Variants in FGF12 observed in about 807,000 individuals in gnomAD.
FGF12 encodes fibroblast growth factor 12.
FGF12 carries 14 observed loss-of-function variants against 23.6 expected under a neutral mutation model. That is an observed-to-expected ratio of 0.59 (90% CI 0.39 to 0.93). The LOEUF (loss-of-function observed/expected upper bound fraction) is 0.93, where lower values mean the gene tolerates loss of function less well. Ranked by LOEUF, FGF12 falls within the 40% of genes least tolerant of loss-of-function variation. The probability of loss-of-function intolerance (pLI) is 0.00; values close to 1 mark genes in which losing one functional copy is unlikely to be tolerated. For missense variants in FGF12, 175 were observed against 217.8 expected (o/e 0.80, Z 1.24); for synonymous variants, 62 against 77.3 (o/e 0.80, Z 1.04).
chr3:192,391,162 T>C (rs983064810), intron 2 of FGF12, among the ~76,000 whole-genome samples: 2 of 152,106 alleles, frequency 1.3e-5, no homozygotes, highest in Non-Finnish European at 2.9e-5. Context: ...ATTAGCAAAA[T>C]GTATATCTCT....
At chr3:192,303,214 A>G in intron 4 of FGF12, among the ~76,000 whole-genome samples, 1 of 152,196 alleles carries the variant, frequency 6.6e-6, no homozygotes, top group South Asian at 2.1e-4. Context: ...CCATTACACA[A>G]ATTTAAGTAT....
At chr3:192,438,148 C>G (rs1332147906) in intron 2 of FGF12, among the ~76,000 whole-genome samples, 1 of 152,170 alleles carries the variant, frequency 6.6e-6, no homozygotes, top group Admixed American at 6.5e-5. Context: ...CTCATTTTCA[C>G]CCGTTGATGA....
rs958373066 is a variant in FGF12 at position 192,263,154 on chromosome 3, G to A, written c.228+72207C>T. On this transcript the variant is annotated intron_variant, in intron 4 of 5. Transcript: ENST00000445105. ...ATAGTAAGTATATAGTAGGTGGTCAGAAAATATAGGATTGAATCAAGCAAT... is the reference window on the plus strand; with the variant it reads ...ATAGTAAGTATATAGTAGGTGGTCAAAAAATATAGGATTGAATCAAGCAAT... 3.9e-5 allele frequency among the ~76,000 whole-genome samples: 6 copies of A among 152,176 alleles called. No homozygotes were observed. The South Asian group carries it at 1.2e-3, about 32-fold the overall frequency.
chr3:192,151,170 T>A lies in FGF12; in HGVS notation c.428-7043A>T, dbSNP rs1714033662. Among the ~76,000 whole-genome samples the A allele has an allele frequency of 2.3e-4, 29 of 125,780 alleles. No homozygotes were observed. In the South Asian group the frequency reaches 8.0e-3, roughly 35 times the overall value. 82.5% of individuals were successfully genotyped at this position (125,780 alleles called of 152,430 possible). A position where few individuals can be genotyped will look rare whatever the true frequency, so the allele number is the denominator to read the frequency against. ...GTGATTTTTGTACATTGATTTTGTA[T>A]CCTGGGACTTTGCTGAAGTTGCTTA... is the stretch of plus-strand genomic sequence containing the variant. On this transcript the variant is annotated intron_variant, in intron 5 of 5. Transcript: ENST00000445105.
At chr3:192,473,821 T>A (rs74502698) in intron 2 of FGF12, among the ~76,000 whole-genome samples, 2,287 of 152,320 alleles carry the variant, frequency 0.015, 47 homozygotes, top group African/African-American at 0.05. Context: ...AAGCCTTTAG[T>A]GTAACTGTGT....
intron 4 of FGF12, among the ~76,000 whole-genome samples, chr3:192,215,841 C>T (rs1441955888): frequency 2.6e-5 from 4 of 152,178 alleles, no homozygotes; most frequent in African/African-American, 9.7e-5. Context: ...TCTAGTTTCC[C>T]TAAAAGTCTC....
rs765686134 is a variant in FGF12, at chr3:192,140,260, T to TA, written c.*3748dup. 1.3e-5 allele frequency: 2 copies of TA among 152,040 alleles called. No individual in the cohort carries two copies. Among genetic ancestry groups the TA allele is most frequent in the African/African-American group, 4.8e-5 (2 of 41,428 alleles). The allele number at this position is 152,040 out of a possible 1,614,324, so 9.4% of individuals were successfully genotyped here. On this transcript the variant is annotated 3_prime_UTR_variant, in exon 6 of 6. Transcript: ENST00000445105. Reference sequence around the variant, plus strand: ...CACTGTTTTAAATGTAATTTTGACTTAAAAAATGCTATTTACAATTTTATG... The same window carrying TA: ...CACTGTTTTAAATGTAATTTTGACTTAAAAAAATGCTATTTACAATTTTATG...
chr3:192,214,987 C>A (rs920956238), intron 4 of FGF12, among the ~76,000 whole-genome samples: 5 of 152,266 alleles, frequency 3.3e-5, no homozygotes, highest in Admixed American at 3.3e-4. Context: ...TTCAGCTCCC[C>A]CCAGATCTGC....
intron 2 of FGF12, among the ~76,000 whole-genome samples, chr3:192,396,489 A>G (rs1231431553): frequency 6.6e-6 from 1 of 152,254 alleles, no homozygotes; most frequent in South Asian, 2.1e-4. Context: ...AGTAAGGCAT[A>G]GGCTTATCGC....
At chr3:192,198,010 C>CT (rs923576145) in intron 4 of FGF12, among the ~76,000 whole-genome samples, 65 of 134,168 alleles carry the variant, frequency 4.8e-4, no homozygotes, top group Non-Finnish European at 5.5e-4. Flanking sequence ...ACAAAGCCAA[C>CT]TTTTTTTTTT....
At chr3:192,612,763 A>G (rs1471703985) in intron 2 of FGF12, among the ~76,000 whole-genome samples, 1 of 151,988 alleles carries the variant, frequency 6.6e-6, no homozygotes, top group African/African-American at 2.4e-5. Context: ...TCAAAACATA[A>G]AAAATAGGGA....
intron 2 of FGF12, among the ~76,000 whole-genome samples, chr3:192,386,339 G>A (rs1413738665): frequency 6.6e-6 from 1 of 152,156 alleles, no homozygotes; most frequent in Non-Finnish European, 1.5e-5. Flanking sequence ...GCTAGCTGCA[G>A]CTTATCTTGG....
In FGF12 at chr3:192,553,296, T is replaced by A. The variant is rs190276930; in HGVS notation, c.13+173885A>T. ...AAAAGAAATTATATTGTAGGGTTTA[T>A]AACATATGTAGAAGAAAAATATATA... On this transcript the variant is annotated intron_variant, in intron 2 of 5. Coordinates refer to ENST00000445105, the MANE Select transcript of FGF12 (RefSeq NM_004113.6). Among the ~76,000 whole-genome samples the A allele has an allele frequency of 9.9e-5, 15 of 152,202 alleles. No homozygotes were observed. In the East Asian group the frequency reaches 2.9e-3, roughly 29 times the overall value.
In FGF12 at chr3:192,344,803, A is replaced by C. The variant is rs1012860352; in HGVS notation, c.125-9339T>G. On this transcript the variant is annotated intron_variant, in intron 3 of 5. Coordinates refer to ENST00000445105, the MANE Select transcript of FGF12 (RefSeq NM_004113.6). ...CCTATGATAGTTCAAAAATGTTCAA[A>C]AATTTGCATAATTAACAAGTCAATT... is the stretch of plus-strand genomic sequence containing the variant. 3.9e-5 allele frequency among the ~76,000 whole-genome samples: 6 copies of C among 152,214 alleles called. No homozygotes were observed. The South Asian group carries it at 1.2e-3, about 31-fold the overall frequency.
At chr3:192,280,987 TACTC>T (rs1336484272) in intron 4 of FGF12, among the ~76,000 whole-genome samples, 5 of 152,172 alleles carry the variant, frequency 3.3e-5, no homozygotes, top group Admixed American at 1.3e-4. Context: ...GTTCTCCACT[TACTC>T]ACTACACTGA....
intron 2 of FGF12, among the ~76,000 whole-genome samples, chr3:192,697,612 G>A (rs1386908015): frequency 6.6e-6 from 1 of 151,824 alleles, no homozygotes; most frequent in East Asian, 1.9e-4. Context: ...ACTAGTCCCA[G>A]GAGTGTTGCC....
At chr3:192,301,217 T>C (rs573715198) in intron 4 of FGF12, among the ~76,000 whole-genome samples, 2 of 152,236 alleles carry the variant, frequency 1.3e-5, no homozygotes, top group African/African-American at 4.8e-5. Context: ...GGGTTAAGAC[T>C]AGGTGAAGAT....
At chr3:192,318,808 T>G (rs1307940876) in intron 4 of FGF12, among the ~76,000 whole-genome samples, 1 of 151,702 alleles carries the variant, frequency 6.6e-6, no homozygotes, top group African/African-American at 2.4e-5. Flanking sequence ...ATTTTAAAGG[T>G]CAAGCTAAAG....
intron 2 of FGF12, among the ~76,000 whole-genome samples, chr3:192,561,395 C>T (rs1179247315): frequency 6.6e-6 from 1 of 151,936 alleles, no homozygotes; most frequent in Non-Finnish European, 1.5e-5. Context: ...CAGAGTCTCG[C>T]TCTTTCACCC....
Sources: allele counts gnomAD v4.1 joint callset (sites outside exome capture counted in the v4.1 genomes callset), GRCh38; gene constraint gnomAD v4.1.1; transcripts MANE v1.5; gene names NCBI Gene and HGNC (gene_info 2026-07-23, HGNC 2026-07-21).